LPAR6: variants seen among roughly 807,000 people sequenced by gnomAD.
LPAR6 encodes the protein G-protein coupled purinergic receptor P2Y5.
LPAR6 carries 17 observed loss-of-function variants against 22.0 expected under a neutral mutation model. The observed-to-expected ratio is 0.77, with a 90% CI of 0.53 to 1.16. LPAR6 has a LOEUF of 1.16. Among genes scored for constraint, LPAR6 ranks in the 50% most tolerant of loss-of-function variants. LPAR6 has a pLI of 0.00. For missense variants in LPAR6, 384 were observed against 406.9 expected (o/e 0.94, Z 0.48); for synonymous variants, 136 against 139.8 (o/e 0.97, Z 0.19).
At chr13:48,423,534 A>T (rs564322573) in intron 1 of LPAR6, among the ~76,000 whole-genome samples, 89 of 152,244 alleles carry the variant, frequency 5.8e-4, no homozygotes, top group African/African-American at 2.0e-3. Flanking sequence ...TAAAAGACCT[A>T]TTTTTTTCCA....
chr13:48,435,304 A>G (rs1248327781), intron 1 of LPAR6, among the ~76,000 whole-genome samples: 1 of 152,158 alleles, frequency 6.6e-6, no homozygotes, highest in Non-Finnish European at 1.5e-5. Flanking sequence ...TGCATTTCCC[A>G]TCAGGATGAT....
intron 2 of LPAR6, among the ~76,000 whole-genome samples, chr13:48,421,159 C>T (rs1232122373): frequency 2.0e-5 from 3 of 152,148 alleles, no homozygotes; most frequent in Non-Finnish European, 4.4e-5. Context: ...ATAACCAAAA[C>T]AGCATGGTAT....
In LPAR6 at chr13:48,411,272, T is replaced by C; in HGVS notation, c.*117A>G. The C allele has an allele frequency of 1.2e-6, 1 of 854,860 alleles. No homozygotes were observed. The highest frequency in any genetic ancestry group is 2.0e-6 in the Non-Finnish European group (1 of 511,200). 53.0% of individuals were successfully genotyped at this position (854,860 alleles called of 1,614,324 possible). ...CAAATTTTCTTTATACTAAAGACTT[T>C]AAAATGTCCATGTGTTAATTTCTTT... On this transcript the variant is annotated 3_prime_UTR_variant, in exon 1 of 1. Transcript: ENST00000620633.
intron 1 of LPAR6, among the ~76,000 whole-genome samples, chr13:48,440,501 G>A (rs183309775): frequency 6.6e-6 from 1 of 152,228 alleles, no homozygotes; most frequent in African/African-American, 2.4e-5. Context: ...ATAGCCTGAT[G>A]GGCACATGAT....
chr13:48,424,590 C>T (rs1400606950), intron 1 of LPAR6, among the ~76,000 whole-genome samples: 4 of 82,692 alleles, frequency 4.8e-5, no homozygotes, highest in Non-Finnish European at 6.9e-5. Context: ...TTGAGTTGTC[C>T]CTTCTTCCTT....
At chr13:48,443,317 T>TA (rs1285268145) in intron 1 of LPAR6, among the ~76,000 whole-genome samples, 8 of 151,868 alleles carry the variant, frequency 5.3e-5, no homozygotes, top group African/African-American at 1.9e-4. Context: ...GAGTCATAAA[T>TA]ATCTTAATAT....
chr13:48,391,262 T>G (rs1648055970), intron 1 of LPAR6: 1 of 152,250 alleles, frequency 6.6e-6, no homozygotes, highest in Non-Finnish European at 1.5e-5. Flanking sequence ...ACCTTTGGGC[T>G]GTTGTTGTCA....
chr13:48,412,445 C>G lies in LPAR6; in HGVS notation c.-22G>C, dbSNP rs377685150. The G allele has an allele frequency of 1.1e-5, 18 of 1,573,302 alleles. No individual in the cohort carries two copies. The highest frequency in any genetic ancestry group is 4.0e-5 in the African/African-American group (3 of 74,144). ...CCATCGTAAAGGCACGTCCAATTTT[C>G]AGTTTGGAAGCACTTTCATCAGCTG... On this transcript the variant is annotated 5_prime_UTR_variant, in exon 1 of 1. An upstream open reading frame in the 5' UTR loses its in-frame stop. Transcript: ENST00000620633.
chr13:48,431,450 A>G (rs1949128807), upstream of LPAR6, among the ~76,000 whole-genome samples: 1 of 152,238 alleles, frequency 6.6e-6, no homozygotes, highest in Non-Finnish European at 1.5e-5. Flanking sequence ...CCCACTTGGA[A>G]TTCAAAGAGA....
chr13:48,414,002 G>C (rs1281268339), upstream of LPAR6, among the ~76,000 whole-genome samples: 1 of 151,900 alleles, frequency 6.6e-6, no homozygotes, highest in Non-Finnish European at 1.5e-5. Flanking sequence ...TTCAGATTTT[G>C]TCTCCATCTA....
At chr13:48,389,600 A>G (rs912349594) in exon 2 of LPAR6, 5 of 152,148 alleles carry the variant, frequency 3.3e-5, no homozygotes, top group Non-Finnish European at 7.3e-5. Flanking sequence ...TATTTTGCTT[A>G]TGATTTTTTG....
At chr13:48,423,072 T>C (rs1199732466) in intron 1 of LPAR6, among the ~76,000 whole-genome samples, 1 of 152,042 alleles carries the variant, frequency 6.6e-6, no homozygotes, top group Non-Finnish European at 1.5e-5. Context: ...TGAGGCTGCA[T>C]TGAGCTATGA....
chr13:48,394,573 G>C (rs1948633748), intron 1 of LPAR6, among the ~76,000 whole-genome samples: 2 of 152,270 alleles, frequency 1.3e-5, no homozygotes, highest in Admixed American at 1.3e-4. Flanking sequence ...AGGGGGAGGG[G>C]CATTCCCCAT....
At chr13:48,430,569 G>A (rs537350050), upstream of LPAR6, among the ~76,000 whole-genome samples, 5 of 152,062 alleles carry the variant, frequency 3.3e-5, no homozygotes, top group African/African-American at 1.2e-4. Flanking sequence ...GTGAAACCCC[G>A]TCTCTACTAA....
chr13:48,394,748 A>T (rs1226253795), intron 1 of LPAR6, among the ~76,000 whole-genome samples: 1 of 152,226 alleles, frequency 6.6e-6, no homozygotes, highest in Non-Finnish European at 1.5e-5. Flanking sequence ...AGCCCCAGTC[A>T]GGGGCCTATA....
rs752001188 is a variant in LPAR6, at chr13:48,412,191, G to T, written c.233C>A (p.Thr78Lys). ...ATCTCCAAATGGCCAATTCCGTGTT[G>T]TGAAGTAAAAAATCCTGAAGGGTAA... ...FTLPFRIFYFTTRNWPFGDLL... is the reference protein window; with the variant it reads ...FTLPFRIFYFKTRNWPFGDLL... Residue 78 changes from threonine to lysine, a missense_variant, in exon 1 of 1, where the codon ACA (threonine) becomes AAA (lysine). Coordinates refer to ENST00000620633, the MANE Select transcript of LPAR6 (RefSeq NM_001162498.3). 6 of 1,613,870 alleles carry T rather than the reference G, an allele frequency of 3.7e-6. No individual in the cohort carries two copies. Among genetic ancestry groups the T allele is most frequent in the Admixed American group, 1.7e-5 (1 of 59,984 alleles).
rs532608118 is a variant in LPAR6 at position 48,412,801 on chromosome 13, T to C, written c.-378A>G. 4.9e-5 allele frequency: 13 copies of C among 263,016 alleles called. No homozygotes were observed. In the East Asian group the frequency reaches 1.4e-3, roughly 28 times the overall value. The allele number at this position is 263,016 out of a possible 1,614,324, so 16.3% of individuals were successfully genotyped here. On this transcript the variant is annotated 5_prime_UTR_variant, in exon 1 of 1. In the 5' UTR this introduces an upstream ATG that the reference lacks. Transcript: ENST00000620633. ...TGAAACCACTTGTCTTCTAAACTTG[T>C]ATTTCAGTAGTCAAGATGAATACTC...
chr13:48,426,297 C>G (rs555924433), intron 1 of LPAR6, among the ~76,000 whole-genome samples: 2 of 152,290 alleles, frequency 1.3e-5, no homozygotes, highest in South Asian at 4.1e-4. Flanking sequence ...TGTGGGAAAT[C>G]ATGGAACAAT....
In LPAR6 at chr13:48,412,323, G is replaced by A; in HGVS notation, c.101C>T (p.Ser34Phe). ...FSMVFVLGLI[S>F]NCVAIYIFIC... ...GAAAATGTATATGGCAACACAATTG[G>A]ATATTAACCCAAGCACAAACACCAT... The change falls in exon 1 of 1, where the codon TCC (serine) becomes TTC (phenylalanine). Residue 34 changes from serine (S) to phenylalanine (F), a missense_variant. Ser to Phe is a radical substitution (Grantham distance 155). Coordinates refer to ENST00000620633, the MANE Select transcript of LPAR6 (RefSeq NM_001162498.3). 6.2e-7 allele frequency: 1 copy of A among 1,612,538 alleles called. No individual in the cohort carries two copies. Among genetic ancestry groups the A allele is most frequent in the South Asian group, 1.1e-5 (1 of 91,048 alleles).
Sources: allele counts gnomAD v4.1 joint callset (sites outside exome capture counted in the v4.1 genomes callset), GRCh38; gene constraint gnomAD v4.1.1; transcripts MANE v1.5; gene names NCBI Gene and HGNC (gene_info 2026-07-23, HGNC 2026-07-21).